RBM26: variants seen among roughly 807,000 people sequenced by gnomAD.
RBM26 encodes RNA binding motif protein 26.
Under a neutral mutation model 123.6 loss-of-function variants are expected in RBM26, and 30 were observed. That is an observed-to-expected ratio of 0.24 (90% CI 0.18 to 0.33). The LOEUF is 0.33. Among genes scored for constraint, RBM26 ranks in the 10% least tolerant of loss-of-function variants. The pLI, the probability that RBM26 is intolerant of heterozygous loss-of-function variation, is 1.00. For synonymous variants in RBM26, 400 were observed against 404.4 expected, an observed-to-expected ratio of 0.99 and a Z score of 0.13; for missense variants, 947 against 1,203.6, an observed-to-expected ratio of 0.79 and a Z score of 3.15.
Position 79,358,484 on chromosome 13 carries a change from C to G in RBM26, c.1530-51G>C, listed in dbSNP as rs775626114. On this transcript the variant is annotated intron_variant, in intron 10 of 21. Coordinates refer to ENST00000438737, the MANE Select transcript of RBM26 (RefSeq NM_001366735.2). ...ATACATTTATAAATCCTGACCCTAACCAAATACAAGGGAATAAAGTTTAAC... is the reference window on the plus strand; with the variant it reads ...ATACATTTATAAATCCTGACCCTAAGCAAATACAAGGGAATAAAGTTTAAC... 1.1e-4 allele frequency: 158 copies of G among 1,378,862 alleles called. 1 individual carries two copies. The highest frequency in any genetic ancestry group is 1.0e-4 in the Non-Finnish European group (102 of 997,604). The allele number at this position is 1,378,862 out of a possible 1,614,324, so 85.4% of individuals were successfully genotyped here.
intron 1 of RBM26, among the ~76,000 whole-genome samples, chr13:79,380,374 T>G (rs1045287515): frequency 2.4e-4 from 37 of 152,152 alleles, no homozygotes; most frequent in Middle Eastern, 6.8e-3. Flanking sequence ...GCCATTTGTG[T>G]TGGGGGAGAA....
At chr13:79,382,674 T>TA (rs1011094532) in intron 1 of RBM26, among the ~76,000 whole-genome samples, 18 of 152,076 alleles carry the variant, frequency 1.2e-4, no homozygotes, top group African/African-American at 4.3e-4. Flanking sequence ...AGCACTTTAG[T>TA]AAACGGTTAA....
intron 3 of RBM26, among the ~76,000 whole-genome samples, chr13:79,375,235 T>C (rs2076581196): frequency 1.3e-5 from 2 of 149,406 alleles, no homozygotes; most frequent in Admixed American, 6.8e-5. Context: ...TGCAATGGCA[T>C]GGTCTCAGCT....
At chr13:79,387,007 T>C (rs1405584411) in intron 1 of RBM26, among the ~76,000 whole-genome samples, 1 of 152,162 alleles carries the variant, frequency 6.6e-6, no homozygotes, top group Non-Finnish European at 1.5e-5. Flanking sequence ...TTATATATGT[T>C]AGAGATTCAC....
In RBM26 at chr13:79,319,860, G is replaced by A. The variant is rs749028432; in HGVS notation, c.*761C>T. The A allele has an allele frequency of 1.2e-4, 119 of 978,018 alleles. No individual in the cohort carries two copies. Among genetic ancestry groups the A allele is most frequent in the Non-Finnish European group, 1.4e-4 (112 of 825,328 alleles). The allele number at this position is 978,018 out of a possible 1,614,324, so 60.6% of individuals were successfully genotyped here. ...CCTTTTGTGATAATTGGGGGGAAGG[G>A]TAGATCACCATCTGGAATGGTCTAT... is the stretch of plus-strand genomic sequence containing the variant. On this transcript the variant is annotated 3_prime_UTR_variant, in exon 22 of 22. Coordinates refer to ENST00000438737, the MANE Select transcript of RBM26 (RefSeq NM_001366735.2).
intron 1 of RBM26, among the ~76,000 whole-genome samples, chr13:79,382,494 A>G (rs2077141236): frequency 6.6e-6 from 1 of 152,164 alleles, no homozygotes; most frequent in Non-Finnish European, 1.5e-5. Context: ...AAAATCTGCC[A>G]ATAAAGTATG....
At chr13:79,392,124 T>A (rs1404321872) in intron 1 of RBM26, among the ~76,000 whole-genome samples, 3 of 53,928 alleles carry the variant, frequency 5.6e-5, no homozygotes, top group Non-Finnish European at 1.4e-4. Context: ...ATTATATAAT[T>A]ATATATTATA....
rs2073499257 is a variant in RBM26, at chr13:79,353,172, G to C, written c.2039C>G (p.Ser680Cys). The C allele has an allele frequency of 1.3e-6, 2 of 1,591,892 alleles. No individual in the cohort carries two copies. Among genetic ancestry groups the C allele is most frequent in the Non-Finnish European group, 1.7e-6 (2 of 1,168,234 alleles). ...TCTTACCTTTTCAGTTGCTGAAACA[G>C]ATGGCTTTGATACAAAACCCAACCT... ...KDRLGFVSKP[S>C]VSATEKVLST... Residue 680 changes from serine (S) to cysteine (C), a missense_variant, in exon 14 of 22, where the codon TCT becomes TGT. By Grantham distance (112) the Ser-to-Cys change is moderately radical. Transcript: ENST00000438737.
intron 9 of RBM26, among the ~76,000 whole-genome samples, chr13:79,361,269 T>C (rs773189963): frequency 1.3e-5 from 2 of 152,114 alleles, no homozygotes; most frequent in Non-Finnish European, 2.9e-5. Context: ...AAATCAACGC[T>C]CTAGACTCCT....
At chr13:79,335,565 C>CATGT (rs2070211490) in intron 19 of RBM26, among the ~76,000 whole-genome samples, 1 of 152,104 alleles carries the variant, frequency 6.6e-6, no homozygotes, top group Non-Finnish European at 1.5e-5. Context: ...TGACATCCAT[C>CATGT]ATGTGTTCAA....
chr13:79,362,016 G>C (rs1470451667), intron 9 of RBM26, among the ~76,000 whole-genome samples: 1 of 152,070 alleles, frequency 6.6e-6, no homozygotes, highest in East Asian at 1.9e-4. Flanking sequence ...TAATGGGACA[G>C]AAGAAAAGAT....
intron 8 of RBM26, 55 bp downstream of exon 8, chr13:79,366,000 A>G (rs1594367177): frequency 8.6e-6 from 13 of 1,519,504 alleles, no homozygotes; most frequent in Non-Finnish European, 6.3e-6. Flanking sequence ...ACATTTTAAA[A>G]TTCTTCATCT....
At chr13:79,361,247 A>G (rs2074649038) in intron 9 of RBM26, among the ~76,000 whole-genome samples, 1 of 152,126 alleles carries the variant, frequency 6.6e-6, no homozygotes, top group Non-Finnish European at 1.5e-5. Context: ...TATGCCATAC[A>G]TACAGAGACT....
intron 5 of RBM26, among the ~76,000 whole-genome samples, chr13:79,370,091 C>T (rs781699058): frequency 9.2e-5 from 14 of 152,238 alleles, no homozygotes; most frequent in Admixed American, 2.0e-4. Context: ...GGGTGGATCA[C>T]CTGAGGTCAG....
chr13:79,324,802 CAATTT>C (rs944554399), intron 20 of RBM26, among the ~76,000 whole-genome samples: 4 of 151,350 alleles, frequency 2.6e-5, no homozygotes, highest in African/African-American at 7.3e-5. Flanking sequence ...AAAATTCATC[CAATTT>C]AATTTATTTG....
At position 79,354,543 on chromosome 13, in the gene RBM26, T is replaced by A; in HGVS notation, c.1882A>T (p.Ile628Phe). The A allele has an allele frequency of 6.2e-7, 1 of 1,605,236 alleles. No homozygotes were observed. The highest frequency in any genetic ancestry group is 8.5e-7 in the Non-Finnish European group (1 of 1,174,086). ...ACTGACTGCTTCACAACAGGCAAAA[T>A]GGGCTGCTGGACTAAAGGCTGCATT... ...KVMQPLVQQP[I>F]LPVVKQSVKE... Residue 628 changes from isoleucine to phenylalanine, a missense_variant, in exon 13 of 22, where the codon ATT (isoleucine) becomes TTT (phenylalanine). Ile to Phe is a conservative substitution (Grantham distance 21, BLOSUM62 0). Coordinates refer to ENST00000438737, the MANE Select transcript of RBM26 (RefSeq NM_001366735.2).
intron 6 of RBM26, among the ~76,000 whole-genome samples, chr13:79,367,430 A>AAAAAAAAAAAAAAAAAAAAAAAAAAAG (rs1555326395): frequency 2.1e-5 from 1 of 47,138 alleles, no homozygotes; most frequent in Non-Finnish European, 5.3e-5. Flanking sequence ...AAAAAAAAAA[A>AAAAAAAAAAAAAAAAAAAAAAAAAAAG]AAGAAGAAGA....
At chr13:79,387,482 C>A (rs2077585997) in intron 1 of RBM26, among the ~76,000 whole-genome samples, 1 of 151,302 alleles carries the variant, frequency 6.6e-6, no homozygotes, top group African/African-American at 2.4e-5. Flanking sequence ...GATTTCCAGT[C>A]TGGTGTTATT....
chr13:79,327,074 T>C (rs61966637), intron 20 of RBM26, among the ~76,000 whole-genome samples: 11,727 of 151,942 alleles, frequency 0.077, 718 homozygotes, highest in East Asian at 0.19. Context: ...GACAGGCAGA[T>C]TGGTTGAGCT....
Sources: gnomAD v4.1 joint callset for allele counts (sites outside exome capture counted in the v4.1 genomes callset) on GRCh38, gnomAD v4.1.1 for gene constraint, MANE v1.5 for transcripts, NCBI Gene and HGNC (gene_info 2026-07-23, HGNC 2026-07-21) for gene names.